The following MAML3 variants were observed in gnomAD, a reference collection of about 807,000 sequenced individuals.
MAML3 encodes the protein mastermind-like protein 3.
MAML3 carries 27 observed loss-of-function variants against 101.9 expected under a neutral mutation model. The ratio of observed to expected loss-of-function variants is 0.27; its 90% CI spans 0.20 to 0.37. MAML3 has a LOEUF of 0.37. MAML3 is among the 10% of genes least tolerant of loss of function. The pLI is 1.00. For synonymous variants in MAML3, 501 were observed against 555.9 expected (o/e 0.90, Z 1.39); for missense variants, 1,316 against 1,444.9 (o/e 0.91, Z 1.45).
rs59770042 is a variant in MAML3, at chr4:140,106,115, GAAAAAAA to G, written c.468+46738_468+46744del. ...AATTTCTTGGTAAAACTGACTTCAA[GAAAAAAA>G]AAAAAAAAAAAAAAAAGAGCCCCTC... On this transcript the variant is annotated intron_variant, in intron 1 of 4. Transcript: ENST00000509479. Among the ~76,000 whole-genome samples the G allele has an allele frequency of 5.7e-3, 510 of 90,110 alleles. 2 individuals carry two copies. Among genetic ancestry groups the G allele is most frequent in the African/African-American group, 0.021 (477 of 23,080 alleles). 59.1% of individuals were successfully genotyped at this position (90,110 alleles called of 152,430 possible). A position where few individuals can be genotyped will look rare whatever the true frequency, so the allele number is the denominator to read the frequency against.
intron 1 of MAML3, among the ~76,000 whole-genome samples, chr4:140,037,308 C>A (rs542755737): frequency 6.6e-6 from 1 of 151,108 alleles, no homozygotes; most frequent in Non-Finnish European, 1.5e-5. Context: ...TCAAGAAGTT[C>A]CTCAGGTTAG....
intron 1 of MAML3, among the ~76,000 whole-genome samples, chr4:140,124,729 C>T (rs1171779863): frequency 6.6e-6 from 1 of 152,174 alleles, no homozygotes; most frequent in South Asian, 2.1e-4. Flanking sequence ...TAAGTTGGCC[C>T]TCCTTTGCAG....
chr4:140,086,786 G>C (rs1324502768), intron 1 of MAML3, among the ~76,000 whole-genome samples: 1 of 152,120 alleles, frequency 6.6e-6, no homozygotes, highest in Admixed American at 6.5e-5. Context: ...ACCTGTCGTA[G>C]GAGTAGAGAA....
intron 2 of MAML3, among the ~76,000 whole-genome samples, chr4:139,856,782 G>C (rs1731670777): frequency 6.6e-6 from 1 of 152,182 alleles, no homozygotes. Context: ...ACATCAACAA[G>C]TATAATCTTT....
intron 1 of MAML3, among the ~76,000 whole-genome samples, chr4:139,987,373 T>C (rs202158254): frequency 1.3e-5 from 2 of 152,352 alleles, no homozygotes; most frequent in East Asian, 3.9e-4. Context: ...TGAATACTGC[T>C]GGTCACCATA....
At chr4:139,973,458 G>A (rs1877076) in intron 1 of MAML3, among the ~76,000 whole-genome samples, 44,580 of 152,068 alleles carry the variant, frequency 0.29, 7,599 homozygotes, top group East Asian at 0.62. Context: ...TCGTTTGGGC[G>A]GGTCTACGTC....
intron 4 of MAML3, among the ~76,000 whole-genome samples, chr4:139,723,313 T>C (rs1728329781): frequency 1.3e-5 from 2 of 152,172 alleles, no homozygotes; most frequent in Admixed American, 6.5e-5. Context: ...CTGGTTTTTT[T>C]TGTTTCTTTT....
At chr4:140,100,444 A>G (rs532840660) in intron 1 of MAML3, among the ~76,000 whole-genome samples, 1 of 152,356 alleles carries the variant, frequency 6.6e-6, no homozygotes, top group South Asian at 2.1e-4. Context: ...ATAAAACCAA[A>G]CAGATAATTT....
intron 1 of MAML3, among the ~76,000 whole-genome samples, chr4:140,042,280 A>G (rs974173139): frequency 1.3e-5 from 2 of 152,198 alleles, no homozygotes; most frequent in Non-Finnish European, 2.9e-5. Flanking sequence ...TGTACCACAA[A>G]GGACAGCCTT....
intron 1 of MAML3, among the ~76,000 whole-genome samples, chr4:140,048,482 A>G (rs1727218053): frequency 1.3e-5 from 2 of 152,234 alleles, no homozygotes; most frequent in South Asian, 4.1e-4. Context: ...GGGTGCCTTC[A>G]CTAGGTTTAT....
chr4:139,890,951 T>C lies in MAML3; in HGVS notation c.485A>G (p.Lys162Arg), dbSNP rs1287510521. 1.9e-6 allele frequency: 3 copies of C among 1,612,342 alleles called. No homozygotes were observed. In the Admixed American group the frequency reaches 5.0e-5, roughly 27 times the overall value. The change falls in exon 2 of 5, where the codon AAA (lysine) becomes AGA (arginine). Residue 162 changes from lysine to arginine, a missense_variant. Physicochemically the swap from Lys to Arg is conservative, Grantham distance 26 (BLOSUM62 2). Coordinates refer to ENST00000509479, the MANE Select transcript of MAML3 (RefSeq NM_018717.5). The surrounding 1 kb of genome is among the most constrained non-coding windows in gnomAD (Gnocchi z 4.1). ...HTLIMLQETV[K>R]RKLEGARSPL... ...TGATCGAGCTCCTTCCAACTTCCTT[T>C]TCACAGTCTCTTGTAGCTGGAAAAG...
intron 1 of MAML3, among the ~76,000 whole-genome samples, chr4:139,982,716 T>C (rs1356001242): frequency 1.3e-5 from 2 of 152,176 alleles, no homozygotes; most frequent in African/African-American, 4.8e-5. Context: ...TATATTAAGC[T>C]AAACAAGAGT....
At chr4:139,765,858 C>T (rs960670444) in intron 2 of MAML3, among the ~76,000 whole-genome samples, 13 of 152,116 alleles carry the variant, frequency 8.5e-5, no homozygotes, top group South Asian at 6.2e-4. Flanking sequence ...TGTGGTGGTG[C>T]GTGCCTGTAG....
intron 1 of MAML3, among the ~76,000 whole-genome samples, chr4:140,024,569 A>G (rs1002030169): frequency 1.3e-5 from 2 of 152,190 alleles, no homozygotes; most frequent in Non-Finnish European, 2.9e-5. Flanking sequence ...CCCGGCCCAG[A>G]GTCAAGATTT....
At chr4:139,949,695 C>T (rs926560059) in intron 1 of MAML3, among the ~76,000 whole-genome samples, 2 of 152,184 alleles carry the variant, frequency 1.3e-5, no homozygotes, top group African/African-American at 4.8e-5. Flanking sequence ...TTCCTTTTGA[C>T]AAGATTGTTA....
intron 2 of MAML3, among the ~76,000 whole-genome samples, chr4:139,868,893 C>G (rs1221532845): frequency 6.6e-6 from 1 of 152,194 alleles, no homozygotes; most frequent in Non-Finnish European, 1.5e-5. Flanking sequence ...ACAATCCTTA[C>G]AGTAAAAGCT....
intron 1 of MAML3, among the ~76,000 whole-genome samples, chr4:139,939,004 A>C (rs1277442418): frequency 6.6e-6 from 1 of 152,190 alleles, no homozygotes; most frequent in Non-Finnish European, 1.5e-5. Flanking sequence ...CGCTCTGCGC[A>C]CTGTGAAGAC....
chr4:140,081,541 TGAA>T (rs1258320331), intron 1 of MAML3, among the ~76,000 whole-genome samples: 2 of 152,234 alleles, frequency 1.3e-5, no homozygotes, highest in South Asian at 2.1e-4. Flanking sequence ...ATTGGTTGGC[TGAA>T]GAAGAGAGAG....
intron 1 of MAML3, among the ~76,000 whole-genome samples, chr4:139,996,985 A>C (rs1179794324): frequency 6.6e-6 from 1 of 151,900 alleles, no homozygotes; most frequent in East Asian, 1.9e-4. Flanking sequence ...TGAACCAGGA[A>C]GTCAGAGGTT....
Sources: gnomAD v4.1 joint callset for allele counts (sites outside exome capture counted in the v4.1 genomes callset) on GRCh38, gnomAD v4.1.1 for gene constraint, Gnocchi (gnomAD v3.1) non-coding constraint, MANE v1.5 for transcripts, NCBI Gene and HGNC (gene_info 2026-07-23, HGNC 2026-07-21) for gene names.